CCNH: variants seen among roughly 807,000 people sequenced by gnomAD.
CCNH encodes the protein cyclin H.
CCNH carries 31 observed loss-of-function variants against 41.9 expected under a neutral mutation model. The observed-to-expected ratio is 0.74, with a 90% CI of 0.56 to 1.00. CCNH has a LOEUF of 1.00. CCNH is among the 50% of genes least tolerant of loss of function. The probability of loss-of-function intolerance (pLI) is 0.00; values close to 1 mark genes in which losing one functional copy is unlikely to be tolerated. For missense variants in CCNH, 362 were observed against 388.4 expected (o/e 0.93, Z 0.57); for synonymous variants, 138 against 136.1 (o/e 1.01, Z -0.10).
At chr5:87,314,644 G>T (rs943977532), downstream of CCNH, among the ~76,000 whole-genome samples, 2 of 152,090 alleles carry the variant, frequency 1.3e-5, no homozygotes, top group African/African-American at 2.4e-5. Flanking sequence ...TCATAGCTTG[G>T]GTATCTGGAT....
intron 9 of CCNH, among the ~76,000 whole-genome samples, chr5:87,352,369 G>T (rs1369887051): frequency 6.6e-6 from 1 of 151,490 alleles, no homozygotes; most frequent in African/African-American, 2.4e-5. Flanking sequence ...TCTGTCTGGA[G>T]AAGTGTTTCC....
intron 8 of CCNH, 86 bp downstream of exon 8, chr5:87,394,958 C>G: frequency 6.2e-7 from 1 of 1,600,448 alleles, no homozygotes; most frequent in Non-Finnish European, 8.5e-7. Context: ...AATGCCTGTA[C>G]TCTTGGAGAA....
chr5:87,389,086 A>AAGAG (rs1351193636), downstream of CCNH, among the ~76,000 whole-genome samples: 1 of 152,176 alleles, frequency 6.6e-6, no homozygotes, highest in East Asian at 1.9e-4. Context: ...TTAGAATTTT[A>AAGAG]AGAGAAATTT....
intron 9 of CCNH, chr5:87,332,383 TA>T: frequency 1.0e-6 from 1 of 977,804 alleles, no homozygotes; most frequent in African/African-American, 1.6e-5. Flanking sequence ...GGTATTTTAG[TA>T]TAAGGATATA....
chr5:87,358,897 C>T (rs1262534016), intron 9 of CCNH, among the ~76,000 whole-genome samples: 1 of 152,132 alleles, frequency 6.6e-6, no homozygotes, highest in Non-Finnish European at 1.5e-5. Context: ...TATCCACTAG[C>T]CTCACTCTTA....
chr5:87,332,547 C>G, intron 9 of CCNH: 1 of 1,607,184 alleles, frequency 6.2e-7, no homozygotes, highest in Non-Finnish European at 8.5e-7. Flanking sequence ...TGGTGGAAGA[C>G]GTTTTTCTTC....
At chr5:87,327,015 A>C (rs1183614441) in intron 9 of CCNH, among the ~76,000 whole-genome samples, 1 of 152,202 alleles carries the variant, frequency 6.6e-6, no homozygotes, top group Non-Finnish European at 1.5e-5. Context: ...TTTTTGAAGA[A>C]GTTTATTAAT....
intron 9 of CCNH, among the ~76,000 whole-genome samples, chr5:87,365,550 A>G: frequency 6.6e-6 from 1 of 152,248 alleles, no homozygotes; most frequent in East Asian, 1.9e-4. Flanking sequence ...CGTAAAATAT[A>G]TAAGGAGGTT....
At chr5:87,378,443 A>T, upstream of CCNH, 1 of 1,612,644 alleles carries the variant, frequency 6.2e-7, no homozygotes, top group Non-Finnish European at 8.5e-7. Flanking sequence ...AAGCACCTTG[A>T]TGGAGCAGTA....
At chr5:87,400,443 G>A (rs1167977916) in intron 6 of CCNH, among the ~76,000 whole-genome samples, 2 of 152,110 alleles carry the variant, frequency 1.3e-5, no homozygotes, top group Non-Finnish European at 2.9e-5. Context: ...TGAGTACAGT[G>A]GAATAAGACC....
At chr5:87,362,772 T>G in intron 9 of CCNH, 1 of 1,336,048 alleles carries the variant, frequency 7.5e-7, no homozygotes, top group Non-Finnish European at 1.1e-6. Context: ...TGACATGAGT[T>G]ATTAGTAATT....
intron 9 of CCNH, among the ~76,000 whole-genome samples, chr5:87,334,946 C>T (rs897764974): frequency 2.8e-4 from 43 of 152,110 alleles, no homozygotes; most frequent in African/African-American, 9.6e-4. Context: ...TGCAGTGGCA[C>T]GATCTTGCCT....
At chr5:87,363,584 A>C (rs1042835137) in intron 9 of CCNH, 7 of 1,487,422 alleles carry the variant, frequency 4.7e-6, no homozygotes, top group African/African-American at 1.4e-5. Context: ...CAATTTTGAG[A>C]GCCCTAAAAT....
intron 9 of CCNH, among the ~76,000 whole-genome samples, chr5:87,357,377 A>G (rs2112442178): frequency 6.6e-6 from 1 of 152,182 alleles, no homozygotes; most frequent in East Asian, 1.9e-4. Flanking sequence ...CCATTGCTGT[A>G]TCCTCAATTC....
chr5:87,374,744 G>T, downstream of CCNH: 2 of 1,499,514 alleles, frequency 1.3e-6, no homozygotes, highest in East Asian at 2.4e-5. Context: ...TTTTTTTAAA[G>T]CAGAAATAGG....
At chr5:87,344,425 C>G (rs1272056995) in intron 9 of CCNH, among the ~76,000 whole-genome samples, 1 of 152,122 alleles carries the variant, frequency 6.6e-6, no homozygotes, top group East Asian at 1.9e-4. Flanking sequence ...GATCTGTTAT[C>G]TGGTTATTTT....
At chr5:87,364,285 A>G (rs1172056231) in intron 9 of CCNH, among the ~76,000 whole-genome samples, 1 of 152,124 alleles carries the variant, frequency 6.6e-6, no homozygotes, top group Non-Finnish European at 1.5e-5. Context: ...ATACCTGTAA[A>G]ATATATAGCC....
chr5:87,370,868 A>G (rs1479972346), intron 9 of CCNH, among the ~76,000 whole-genome samples: 1 of 152,172 alleles, frequency 6.6e-6, no homozygotes, highest in Non-Finnish European at 1.5e-5. Flanking sequence ...TGAGACTCAC[A>G]GAATAAACCT....
At chr5:87,405,103 G>A in intron 4 of CCNH, 96 bp from the exon 5 acceptor site, 1 of 819,010 alleles carries the variant, frequency 1.2e-6, no homozygotes, top group Non-Finnish European at 2.0e-6. Flanking sequence ...AGAAATATAT[G>A]CTATAACATA....
Sources: allele counts gnomAD v4.1 joint callset (sites outside exome capture counted in the v4.1 genomes callset), GRCh38; gene constraint gnomAD v4.1.1; transcripts MANE v1.5; gene names NCBI Gene and HGNC (gene_info 2026-07-23, HGNC 2026-07-21).